MUSK: variants seen among roughly 807,000 people sequenced by gnomAD.
MUSK encodes the protein muscle, skeletal receptor tyrosine-protein kinase.
In MUSK, 55 loss-of-function variants were observed where a neutral mutation model predicts 88.7. That is an observed-to-expected ratio of 0.62 (90% CI 0.50 to 0.78). The LOEUF is 0.78. Ranked by LOEUF, MUSK falls within the 30% of genes least tolerant of loss-of-function variation. The probability of loss-of-function intolerance (pLI) is 0.00; values close to 1 mark genes in which losing one functional copy is unlikely to be tolerated. For synonymous variants in MUSK, 387 were observed against 391.9 expected, an observed-to-expected ratio of 0.99 and a Z score of 0.15; for missense variants, 1,015 against 1,074.3, an observed-to-expected ratio of 0.94 and a Z score of 0.77.
At chr9:110,683,834 T>G (rs1161525986) in intron 2 of MUSK, among the ~76,000 whole-genome samples, 6 of 152,150 alleles carry the variant, frequency 3.9e-5, no homozygotes, top group Non-Finnish European at 8.8e-5. Flanking sequence ...ATTAATATAT[T>G]TTTTACTATA....
intron 2 of MUSK, among the ~76,000 whole-genome samples, chr9:110,686,655 CAGTA>C (rs1368970887): frequency 1.3e-5 from 2 of 152,120 alleles, no homozygotes; most frequent in East Asian, 1.9e-4. Flanking sequence ...TGTTAGCAAT[CAGTA>C]AGTAATTGTT....
Position 110,668,800 on chromosome 9 carries a change from C to G in MUSK, c.-105C>G. On this transcript the variant is annotated 5_prime_UTR_variant, in exon 1 of 15. Coordinates refer to ENST00000374448, the MANE Select transcript of MUSK (RefSeq NM_005592.4). The stretch of plus-strand genomic sequence containing the variant: ...AGCTGCTGACACAAACAGTCATTAG[C>G]AGACAACCCTTTTGCAACAAAGTAT... 1 of 848,862 alleles carries G rather than the reference C, an allele frequency of 1.2e-6. No individual in the cohort carries two copies. Among genetic ancestry groups the G allele is most frequent in the Non-Finnish European group, 2.0e-6 (1 of 502,656 alleles). The allele number at this position is 848,862 out of a possible 1,614,324, so 52.6% of individuals were successfully genotyped here.
At chr9:110,734,564 T>G (rs778878659) in intron 6 of MUSK, among the ~76,000 whole-genome samples, 189 bp downstream of exon 6, 2 of 152,134 alleles carry the variant, frequency 1.3e-5, no homozygotes, top group Non-Finnish European at 2.9e-5. Flanking sequence ...TTTGCTTCCT[T>G]CCATGTATCA....
chr9:110,753,459 AAGAGAGAGAG>A (rs1202827710), intron 7 of MUSK, among the ~76,000 whole-genome samples: 4 of 118,634 alleles, frequency 3.4e-5, no homozygotes, highest in Non-Finnish European at 3.7e-5. Flanking sequence ...AAAAAAAAAA[AAGAGAGAGAG>A]AGAGAGAGAG....
At chr9:110,689,683 C>CTATATATAGTTATATATTA (rs2076269513) in intron 3 of MUSK, among the ~76,000 whole-genome samples, 1 of 61,452 alleles carries the variant, frequency 1.6e-5, no homozygotes, top group Non-Finnish European at 2.6e-5. Flanking sequence ...TTATATATAA[C>CTATATATAGTTATATATTA]TATATATAGT....
chr9:110,707,009 A>C (rs933880535), intron 5 of MUSK, among the ~76,000 whole-genome samples: 1 of 148,592 alleles, frequency 6.7e-6, no homozygotes, highest in Non-Finnish European at 1.5e-5. Flanking sequence ...GTCTCAAAAA[A>C]ATAGAGAGAG....
intron 3 of MUSK, among the ~76,000 whole-genome samples, chr9:110,689,750 TTATATA>T (rs1203564019): frequency 1.1e-4 from 4 of 36,352 alleles, no homozygotes; most frequent in Non-Finnish European, 2.2e-4. Flanking sequence ...ATATTATATA[TTATATA>T]TAAACTATAT....
chr9:110,737,956 G>C (rs900417622), intron 6 of MUSK, among the ~76,000 whole-genome samples: 5 of 152,090 alleles, frequency 3.3e-5, no homozygotes, highest in African/African-American at 1.2e-4. Flanking sequence ...GCCTCAGCCT[G>C]GTGCCATATG....
chr9:110,730,615 G>A (rs373257700), intron 5 of MUSK, among the ~76,000 whole-genome samples: 3 of 151,808 alleles, frequency 2.0e-5, no homozygotes, highest in Non-Finnish European at 4.4e-5. Context: ...TGTTATTGCC[G>A]GTGTATTATT....
chr9:110,800,622 G>A lies in MUSK; in HGVS notation c.2244G>A (p.Arg748=), dbSNP rs752151822. The A allele has an allele frequency of 1.3e-6, 2 of 1,560,500 alleles. No homozygotes were observed. The highest frequency in any genetic ancestry group is 1.7e-6 in the Non-Finnish European group (2 of 1,148,758). ...VVKIADFGLS[R]NIYSADYYKA... is the part of the protein sequence containing the mutation. ...AAATTGCCGACTTTGGCCTCTCCAG[G>A]AACATCTACTCAGCAGACTACTACA... Residue 748 remains arginine (R), a synonymous_variant, in exon 15 of 15, where the codon AGG becomes AGA. Transcript: ENST00000374448.
intron 5 of MUSK, among the ~76,000 whole-genome samples, chr9:110,729,331 AAAAAAAAAAAAAAGAAAAAAG>A (rs1002557406): frequency 2.7e-5 from 4 of 146,326 alleles, no homozygotes; most frequent in African/African-American, 1.0e-4. Flanking sequence ...TTCTGTAAAA[AAAAAAAAAAAAAAGAAAAAAG>A]AAAAAAAAAA....
At chr9:110,676,262 C>T (rs940427715) in intron 1 of MUSK, among the ~76,000 whole-genome samples, 6 of 142,202 alleles carry the variant, frequency 4.2e-5, no homozygotes, top group Admixed American at 3.5e-4. Context: ...TTTTGCTATT[C>T]ATTCTTTCAG....
chr9:110,780,984 A>G (rs2077744393), intron 11 of MUSK, among the ~76,000 whole-genome samples: 1 of 125,880 alleles, frequency 7.9e-6, no homozygotes, highest in Admixed American at 7.5e-5. Context: ...AAACACTCCT[A>G]TAAGACCCTC....
chr9:110,726,023 G>C (rs1467927629), intron 5 of MUSK, among the ~76,000 whole-genome samples: 1 of 151,868 alleles, frequency 6.6e-6, no homozygotes, highest in Non-Finnish European at 1.5e-5. Context: ...GCTTAAATAG[G>C]CCTATAGACT....
chr9:110,726,240 T>A (rs2076882603), intron 5 of MUSK, among the ~76,000 whole-genome samples: 1 of 152,034 alleles, frequency 6.6e-6, no homozygotes, highest in South Asian at 2.1e-4. Flanking sequence ...AAATGACAAA[T>A]CTTAGACATT....
intron 5 of MUSK, among the ~76,000 whole-genome samples, chr9:110,699,255 A>T (rs1378612000): frequency 3.3e-5 from 5 of 152,106 alleles, no homozygotes; most frequent in Admixed American, 3.3e-4. Flanking sequence ...TATATGCTAG[A>T]GATAGTATTA....
chr9:110,725,023 A>G (rs1270928278), intron 5 of MUSK, among the ~76,000 whole-genome samples: 2 of 152,046 alleles, frequency 1.3e-5, no homozygotes, highest in Non-Finnish European at 2.9e-5. Flanking sequence ...AATAAAATGC[A>G]CTTATGTACA....
chr9:110,781,324 T>C (rs186559405), intron 11 of MUSK, among the ~76,000 whole-genome samples: 41 of 152,246 alleles, frequency 2.7e-4, no homozygotes, highest in African/African-American at 9.2e-4. Flanking sequence ...TCGCCCAGGC[T>C]GGAGTGCAGT....
chr9:110,765,546 T>C (rs2077467625), intron 8 of MUSK, among the ~76,000 whole-genome samples: 2 of 151,238 alleles, frequency 1.3e-5, no homozygotes, highest in African/African-American at 4.9e-5. Flanking sequence ...CATGGGACCC[T>C]TCAGAATAAA....
Sources: gnomAD v4.1 joint callset for allele counts (sites outside exome capture counted in the v4.1 genomes callset) on GRCh38, gnomAD v4.1.1 for gene constraint, MANE v1.5 for transcripts, NCBI Gene and HGNC (gene_info 2026-07-23, HGNC 2026-07-21) for gene names.